LTBP1: variants seen among roughly 807,000 people sequenced by gnomAD.
LTBP1 encodes latent transforming growth factor beta binding protein 1.
In LTBP1, 129 loss-of-function variants were observed where a neutral mutation model predicts 207.6. That is an observed-to-expected ratio of 0.62 (90% CI 0.54 to 0.72). The LOEUF is 0.72. Among genes scored for constraint, LTBP1 ranks in the 30% least tolerant of loss-of-function variants. LTBP1 has a pLI of 0.00. For missense variants in LTBP1, 2,281 were observed against 2,217.2 expected, an observed-to-expected ratio of 1.03 and a Z score of -0.58; for synonymous variants, 963 against 833.7, an observed-to-expected ratio of 1.16 and a Z score of -2.67.
In LTBP1 at chr2:33,333,591, C is replaced by G. The variant is rs112550725; in HGVS notation, c.3731-9247C>G. Among the ~76,000 whole-genome samples the G allele has an allele frequency of 9.9e-5, 15 of 152,192 alleles. 1 individual carries two copies. The highest frequency in any genetic ancestry group is 3.4e-4 in the African/African-American group (14 of 41,532). ...AACTGTTGAAGAGGGGTCATAGGTC[C>G]TGGCTTTAGCAAGTTGGTATTTGGT... On this transcript the variant is annotated intron_variant, in intron 24 of 33. Coordinates refer to ENST00000404816, the MANE Select transcript of LTBP1 (RefSeq NM_206943.4).
At chr2:33,016,111 C>CT (rs1171029960) in intron 2 of LTBP1, among the ~76,000 whole-genome samples, 1 of 152,024 alleles carries the variant, frequency 6.6e-6, no homozygotes, top group Non-Finnish European at 1.5e-5. Flanking sequence ...GAAGGGTGGG[C>CT]TTGAAGGCAT....
chr2:33,031,496 A>T (rs116138846), intron 3 of LTBP1, among the ~76,000 whole-genome samples: 3 of 152,224 alleles, frequency 2.0e-5, no homozygotes, highest in Non-Finnish European at 4.4e-5. Flanking sequence ...TGTGTCTGCA[A>T]AATACTGAAT....
At chr2:33,386,546 C>T (rs2095266797) in intron 31 of LTBP1, among the ~76,000 whole-genome samples, 1 of 152,194 alleles carries the variant, frequency 6.6e-6, no homozygotes. Flanking sequence ...GTACCTTGGC[C>T]AAGCACGGCA....
chr2:32,958,821 C>A (rs1011540345), intron 2 of LTBP1, among the ~76,000 whole-genome samples: 1 of 152,186 alleles, frequency 6.6e-6, no homozygotes, highest in Non-Finnish European at 1.5e-5. Flanking sequence ...TTCAAGGGCA[C>A]AACACCTTAC....
chr2:33,303,534 T>C (rs1402253398), intron 22 of LTBP1, among the ~76,000 whole-genome samples: 1 of 151,930 alleles, frequency 6.6e-6, no homozygotes, highest in Admixed American at 6.6e-5. Flanking sequence ...GTATTTTTAA[T>C]AGAGACGGGT....
Position 33,087,084 on chromosome 2 carries a change from C to CTTTTTTTTTTTTTTTT in LTBP1, c.864-23489_864-23474dup, listed in dbSNP as rs35334788. Among the ~76,000 whole-genome samples, 69 of 88,966 alleles carry CTTTTTTTTTTTTTTTT rather than the reference C, an allele frequency of 7.8e-4. 7 individuals carry two copies. Among genetic ancestry groups the CTTTTTTTTTTTTTTTT allele is most frequent in the Non-Finnish European group, 1.2e-3 (58 of 48,354 alleles). 58.4% of individuals were successfully genotyped at this position (88,966 alleles called of 152,430 possible). ...AGCACCAGGCTGTCCCTCCTTTATGCTTTTTTTTTTTTTTTTTTTTTTTTG... is the reference window on the plus strand; with the variant it reads ...AGCACCAGGCTGTCCCTCCTTTATGCTTTTTTTTTTTTTTTTTTTTTTTTTTTTTTTTTTTTTTTTG... On this transcript the variant is annotated intron_variant, in intron 3 of 33. Coordinates refer to ENST00000404816, the MANE Select transcript of LTBP1 (RefSeq NM_206943.4).
intron 2 of LTBP1, among the ~76,000 whole-genome samples, chr2:33,007,826 A>G (rs749358858): frequency 6.6e-6 from 1 of 152,212 alleles, no homozygotes. Flanking sequence ...AGTGCTTTGC[A>G]TGTATTAATT....
intron 24 of LTBP1, among the ~76,000 whole-genome samples, chr2:33,340,232 T>C: frequency 7.8e-6 from 1 of 128,826 alleles, no homozygotes. Flanking sequence ...CACTCCAGCC[T>C]GGGCGACAGA....
In LTBP1 at chr2:33,207,913, G is replaced by A. The variant is rs138217684; in HGVS notation, c.1702-9639G>A. 3.4e-3 allele frequency among the ~76,000 whole-genome samples: 525 copies of A among 152,312 alleles called. 5 individuals carry two copies. The highest frequency in any genetic ancestry group is 0.012 in the African/African-American group (503 of 41,566). ...TTGTCAGGAGTCACTTTTCCAGAGT[G>A]GAGATGTGTTTATATCATAGTGAAA... On this transcript the variant is annotated intron_variant, in intron 7 of 33. Coordinates refer to ENST00000404816, the MANE Select transcript of LTBP1 (RefSeq NM_206943.4).
chr2:33,039,514 C>T (rs17396759), intron 3 of LTBP1, among the ~76,000 whole-genome samples: 12,619 of 152,232 alleles, frequency 0.083, 732 homozygotes, highest in Non-Finnish European at 0.13. Flanking sequence ...GCAGTGGCCA[C>T]CTGTAACTTG....
intron 4 of LTBP1, among the ~76,000 whole-genome samples, chr2:33,120,119 G>A (rs770258975): frequency 6.0e-5 from 9 of 149,142 alleles, no homozygotes; most frequent in African/African-American, 1.5e-4. Flanking sequence ...CAAGAAATAC[G>A]TACATGTATA....
intron 3 of LTBP1, among the ~76,000 whole-genome samples, chr2:33,027,234 A>T (rs916340880): frequency 3.9e-5 from 6 of 152,216 alleles, no homozygotes; most frequent in African/African-American, 1.4e-4. Flanking sequence ...TAATTGACAA[A>T]TAAAAATTGT....
At chr2:33,188,427 C>CAAAAAAAAAAAAA (rs577171233) in intron 6 of LTBP1, 150 bp from the exon 7 acceptor site, 39 of 349,838 alleles carry the variant, frequency 1.1e-4, no homozygotes, top group South Asian at 2.8e-4. Flanking sequence ...AACTCCATCT[C>CAAAAAAAAAAAAA]AAAAAAAAAA....
chr2:33,070,103 C>G (rs2077716274), intron 3 of LTBP1, among the ~76,000 whole-genome samples: 1 of 152,242 alleles, frequency 6.6e-6, no homozygotes, highest in South Asian at 2.1e-4. Context: ...CGGAAACTCT[C>G]ATTCTTAACA....
chr2:33,007,426 ACT>A (rs1014506107), intron 2 of LTBP1, among the ~76,000 whole-genome samples: 4 of 152,014 alleles, frequency 2.6e-5, no homozygotes, highest in Non-Finnish European at 5.9e-5. Context: ...ATTTTAAAAG[ACT>A]CTGTCTCATT....
chr2:33,301,721 C>A (rs751909133), intron 22 of LTBP1, 77 bp downstream of exon 22: 3 of 1,289,970 alleles, frequency 2.3e-6, no homozygotes, highest in Non-Finnish European at 3.1e-6. Flanking sequence ...CAGCCTTGAT[C>A]TTTGAACCTC....
Position 33,320,669 on chromosome 2 carries a change from T to C in LTBP1, c.3730+5400T>C, listed in dbSNP as rs1573820394. Among the ~76,000 whole-genome samples, 3 of 152,326 alleles carry C rather than the reference T, an allele frequency of 2.0e-5. 1 individual carries two copies. The South Asian group carries it at 6.2e-4, about 32-fold the overall frequency. On this transcript the variant is annotated intron_variant, in intron 24 of 33. Coordinates refer to ENST00000404816, the MANE Select transcript of LTBP1 (RefSeq NM_206943.4). ...TGGCAGCCGAGGACTTTCTTGCAGC[T>C]GTCAACATGAATTCTATTGTCCAGA...
intron 3 of LTBP1, among the ~76,000 whole-genome samples, chr2:33,041,361 T>C (rs987881890): frequency 1.3e-5 from 2 of 152,192 alleles, no homozygotes; most frequent in Non-Finnish European, 2.9e-5. Context: ...CTCGGCTCAC[T>C]GCAACCTCCG....
intron 3 of LTBP1, among the ~76,000 whole-genome samples, chr2:33,050,814 A>C (rs1315442782): frequency 6.6e-6 from 1 of 150,952 alleles, no homozygotes; most frequent in Non-Finnish European, 1.5e-5. Context: ...GCTGACTGCA[A>C]CCTCCGCCTC....
Sources: gnomAD v4.1 joint callset for allele counts (sites outside exome capture counted in the v4.1 genomes callset) on GRCh38, gnomAD v4.1.1 for gene constraint, MANE v1.5 for transcripts, NCBI Gene and HGNC (gene_info 2026-07-23, HGNC 2026-07-21) for gene names.